Variants in SOX2 observed in about 807,000 individuals in gnomAD.
SOX2 encodes SRY-box transcription factor 2, also known as transcription factor SOX-2.
In SOX2, 2 loss-of-function variants were observed where a neutral mutation model predicts 19.7. That is an observed-to-expected ratio of 0.10 (90% confidence interval 0.04 to 0.32). SOX2 has a LOEUF of 0.32. Ranked by LOEUF, SOX2 falls within the 10% of genes least tolerant of loss-of-function variation. The probability of loss-of-function intolerance (pLI) is 1.00; values close to 1 mark genes in which losing one functional copy is unlikely to be tolerated. For synonymous variants in SOX2, 211 were observed against 196.8 expected (o/e 1.07, Z -0.60); for missense variants, 294 against 459.9 (o/e 0.64, Z 3.30).
At position 181,712,971 on chromosome 3, in the gene SOX2, C is replaced by T; in HGVS notation, c.611C>T (p.Ala204Val). 1.2e-6 allele frequency: 2 copies of T among 1,613,946 alleles called. No homozygotes were observed. Among genetic ancestry groups the T allele is most frequent in the Non-Finnish European group, 8.5e-7 (1 of 1,180,044 alleles). ...MQPMHRYDVS[A>V]LQYNSMTSSQ... ...CCCATGCACCGCTACGACGTGAGCG[C>T]CCTGCAGTACAACTCCATGACCAGC... Residue 204 changes from alanine (A) to valine (V), a missense_variant, in exon 1 of 1, where the codon GCC (alanine) becomes GTC (valine). By Grantham distance (64) the Ala-to-Val change is moderately conservative. Transcript: ENST00000325404. This position sits in a 1 kb window ranked among gnomAD's most constrained non-coding sequence, Gnocchi z 8.5.
In SOX2 at chr3:181,713,256, A is replaced by T. The variant is rs1714879848; in HGVS notation, c.896A>T (p.Gln299Leu). Residue 299 changes from glutamine (Q) to leucine (L), a missense_variant, in exon 1 of 1, where the codon CAG becomes CTG. This residue lies in a region of SOX2 where 223 missense variants were observed against 292.7 expected (regional missense o/e 0.76). Transcript: ENST00000325404. ...AGACTTCACATGTCCCAGCACTACC[A>T]GAGCGGCCCGGTGCCCGGCACGGCC... ...PSRLHMSQHY[Q>L]SGPVPGTAIN... 1 of 1,608,294 alleles carries T rather than the reference A, an allele frequency of 6.2e-7. No homozygotes were observed. Among genetic ancestry groups the T allele is most frequent in the East Asian group, 2.2e-5 (1 of 44,526 alleles).
rs973988656 is a variant in SOX2 at position 181,712,339 on chromosome 3, C to T, written c.-22C>T. ...CGAGGGTCGGCGGCCGCCGGCGGGC[C>T]GGGCCCGCGCACAGCGCCCGCATGT... On this transcript the variant is annotated 5_prime_UTR_variant, in exon 1 of 1. Coordinates refer to ENST00000325404, the MANE Select transcript of SOX2 (RefSeq NM_003106.4). The surrounding 1 kb of genome is among the most constrained non-coding windows in gnomAD (Gnocchi z 8.5). 1.4e-6 allele frequency: 2 copies of T among 1,397,810 alleles called. No homozygotes were observed. Among genetic ancestry groups the T allele is most frequent in the Non-Finnish European group, 9.2e-7 (1 of 1,083,194 alleles). 86.6% of individuals were successfully genotyped at this position (1,397,810 alleles called of 1,614,324 possible). A position where few individuals can be genotyped will look rare whatever the true frequency, so the allele number is the denominator to read the frequency against.
rs1236669952 is a variant in SOX2, at chr3:181,713,830, T to TTAA, written c.*517_*518insAAT. On this transcript the variant is annotated 3_prime_UTR_variant, in exon 1 of 1. Transcript: ENST00000325404. ...ATAAACATGGCAATCAAAATGTCCA[T>TTAA]TGTTTATAAGCTGAGAATTTGCCAA... The TTAA allele has an allele frequency of 3.9e-6, 1 of 254,412 alleles. No homozygotes were observed. Among genetic ancestry groups the TTAA allele is most frequent in the Non-Finnish European group, 8.2e-6 (1 of 121,718 alleles). The allele number at this position is 254,412 out of a possible 1,614,324, so 15.8% of individuals were successfully genotyped here.
Position 181,713,233 on chromosome 3 carries a change from A to G in SOX2, c.873A>G (p.Arg291=). 6.2e-7 allele frequency: 1 copy of G among 1,612,132 alleles called. No homozygotes were observed. Among genetic ancestry groups the G allele is most frequent in the South Asian group, 1.1e-5 (1 of 91,020 alleles). ...AEVPEPAAPS[R]LHMSQHYQSG... is the part of the protein sequence containing the mutation. Reference sequence around the variant, plus strand: ...TGCCGGAACCCGCCGCCCCCAGCAGACTTCACATGTCCCAGCACTACCAGA... The same window carrying G: ...TGCCGGAACCCGCCGCCCCCAGCAGGCTTCACATGTCCCAGCACTACCAGA... Residue 291 remains arginine, a synonymous_variant, in exon 1 of 1, where the codon AGA becomes AGG. Coordinates refer to ENST00000325404, the MANE Select transcript of SOX2 (RefSeq NM_003106.4).
chr3:181,713,445 A>G lies in SOX2; in HGVS notation c.*131A>G. On this transcript the variant is annotated 3_prime_UTR_variant, in exon 1 of 1. Coordinates refer to ENST00000325404, the MANE Select transcript of SOX2 (RefSeq NM_003106.4). ...ACGCTCAAAAAGAAAAAGGAAAAAA[A>G]AAAATCCCATCACCCACAGCAAATG... 4.0e-6 allele frequency: 5 copies of G among 1,263,970 alleles called. No individual in the cohort carries two copies. Among genetic ancestry groups the G allele is most frequent in the Non-Finnish European group, 5.5e-6 (5 of 903,938 alleles). The allele number at this position is 1,263,970 out of a possible 1,614,324, so 78.3% of individuals were successfully genotyped here. A position where few individuals can be genotyped will look rare whatever the true frequency, so the allele number is the denominator to read the frequency against.
Position 181,713,426 on chromosome 3 carries a change from A to C in SOX2, c.*112A>C, listed in dbSNP as rs1714890964. 1.0e-5 allele frequency: 14 copies of C among 1,374,040 alleles called. No individual in the cohort carries two copies. The South Asian group carries it at 1.2e-4, about 12-fold the overall frequency. The allele number at this position is 1,374,040 out of a possible 1,614,324, so 85.1% of individuals were successfully genotyped here. On this transcript the variant is annotated 3_prime_UTR_variant, in exon 1 of 1. Transcript: ENST00000325404. ...AGCATGGAGAAAACCCGGTACGCTC[A>C]AAAAGAAAAAGGAAAAAAAAAAATC...
Position 181,712,552 on chromosome 3 carries a change from C to A in SOX2, c.192C>A (p.Pro64=). 6.2e-7 allele frequency: 1 copy of A among 1,614,192 alleles called. No homozygotes were observed. Among genetic ancestry groups the A allele is most frequent in the Non-Finnish European group, 8.5e-7 (1 of 1,180,010 alleles). The change falls in exon 1 of 1, where the codon CCC becomes CCA. Residue 64 remains proline, a synonymous_variant. Coordinates refer to ENST00000325404, the MANE Select transcript of SOX2 (RefSeq NM_003106.4). This position sits in a 1 kb window ranked among gnomAD's most constrained non-coding sequence, Gnocchi z 8.5. The part of the protein sequence containing the change: ...GQRRKMAQEN[P]KMHNSEISKR... ...GGCGCAAGATGGCCCAGGAGAACCC[C>A]AAGATGCACAACTCGGAGATCAGCA...
rs1338979266 is a variant in SOX2, at chr3:181,713,250, A to C, written c.890A>C (p.His297Pro). 1 of 1,610,254 alleles carries C rather than the reference A, an allele frequency of 6.2e-7. No homozygotes were observed. Residue 297 changes from histidine to proline, a missense_variant, in exon 1 of 1, where the codon CAC becomes CCC. This residue lies in a region of SOX2 where 223 missense variants were observed against 292.7 expected (regional missense o/e 0.76). Coordinates refer to ENST00000325404, the MANE Select transcript of SOX2 (RefSeq NM_003106.4). ...CCCAGCAGACTTCACATGTCCCAGCACTACCAGAGCGGCCCGGTGCCCGGC... is the reference window on the plus strand; with the variant it reads ...CCCAGCAGACTTCACATGTCCCAGCCCTACCAGAGCGGCCCGGTGCCCGGC... ...AAPSRLHMSQHYQSGPVPGTA... is the reference protein window; with the variant it reads ...AAPSRLHMSQPYQSGPVPGTA...
rs1018111900 is a variant in SOX2, at chr3:181,712,303, C to T, written c.-58C>T. On this transcript the variant is annotated 5_prime_UTR_variant, in exon 1 of 1. Transcript: ENST00000325404. The surrounding 1 kb of genome is among the most constrained non-coding windows in gnomAD (Gnocchi z 8.5). ...CCCCCGCCCGCGGGCCCCCCAAAGTCCCGGCCGGGCCGAGGGTCGGCGGCC... is the reference window on the plus strand; with the variant it reads ...CCCCCGCCCGCGGGCCCCCCAAAGTTCCGGCCGGGCCGAGGGTCGGCGGCC... The T allele has an allele frequency of 4.8e-5, 62 of 1,302,832 alleles. No homozygotes were observed. In the East Asian group the frequency reaches 1.9e-3, roughly 40 times the overall value. 80.7% of individuals were successfully genotyped at this position (1,302,832 alleles called of 1,614,324 possible). A position where few individuals can be genotyped will look rare whatever the true frequency, so the allele number is the denominator to read the frequency against.
Position 181,714,109 on chromosome 3 carries a change from G to A in SOX2, c.*795G>A, listed in dbSNP as rs1362271159. Reference sequence around the variant, plus strand: ...AAAAATGGCCATGCAGGTTGACACCGTTGGTAATTTATAATAGCTTTTGTT... The same window carrying A: ...AAAAATGGCCATGCAGGTTGACACCATTGGTAATTTATAATAGCTTTTGTT... On this transcript the variant is annotated 3_prime_UTR_variant, in exon 1 of 1. Transcript: ENST00000325404. 3.7e-5 allele frequency: 9 copies of A among 244,066 alleles called. No individual in the cohort carries two copies. The highest frequency in any genetic ancestry group is 1.8e-4 in the South Asian group (1 of 5,498). The allele number at this position is 244,066 out of a possible 1,614,324, so 15.1% of individuals were successfully genotyped here.
chr3:181,712,658 C>G lies in SOX2; in HGVS notation c.298C>G (p.Leu100Val), dbSNP rs2108522096. The change falls in exon 1 of 1, where the codon CTG becomes GTG. Residue 100 changes from leucine (L) to valine (V), a missense_variant. Leu to Val is a conservative substitution (Grantham distance 32). Coordinates refer to ENST00000325404, the MANE Select transcript of SOX2 (RefSeq NM_003106.4). This position sits in a 1 kb window ranked among gnomAD's most constrained non-coding sequence, Gnocchi z 8.5. ...CGACGAGGCTAAGCGGCTGCGAGCG[C>G]TGCACATGAAGGAGCACCCGGATTA... The part of the protein sequence containing the change: ...FIDEAKRLRA[L>V]HMKEHPDYKY... 6.2e-7 allele frequency: 1 copy of G among 1,614,186 alleles called. No homozygotes were observed. Among genetic ancestry groups the G allele is most frequent in the Non-Finnish European group, 8.5e-7 (1 of 1,180,016 alleles).
rs104893800 is a variant in SOX2, at chr3:181,712,637, G to C, written c.277G>C (p.Glu93Gln). The change falls in exon 1 of 1, where the codon GAG (glutamate) becomes CAG (glutamine). Residue 93 changes from glutamate to glutamine, a missense_variant. Physicochemically the swap from Glu to Gln is conservative, Grantham distance 29 (BLOSUM62 2). Around this residue, in one of 3 missense-constraint regions of SOX2, gnomAD observed 20 missense variants for 112.3 expected, o/e 0.18. Transcript: ENST00000325404. This position sits in a 1 kb window ranked among gnomAD's most constrained non-coding sequence, Gnocchi z 8.5. ...SETEKRPFID[E>Q]AKRLRALHMK... ...GACGGAGAAGCGGCCGTTCATCGACGAGGCTAAGCGGCTGCGAGCGCTGCA... is the reference window on the plus strand; with the variant it reads ...GACGGAGAAGCGGCCGTTCATCGACCAGGCTAAGCGGCTGCGAGCGCTGCA... 1 of 1,614,194 alleles carries C rather than the reference G, an allele frequency of 6.2e-7. No homozygotes were observed. Among genetic ancestry groups the C allele is most frequent in the Non-Finnish European group, 8.5e-7 (1 of 1,180,012 alleles).
At position 181,713,224 on chromosome 3, in the gene SOX2, C is replaced by A. The variant is rs1242913623; in HGVS notation, c.864C>A (p.Ala288=). Reference sequence around the variant, plus strand: ...GCGCCGAGGTGCCGGAACCCGCCGCCCCCAGCAGACTTCACATGTCCCAGC... The same window carrying A: ...GCGCCGAGGTGCCGGAACCCGCCGCACCCAGCAGACTTCACATGTCCCAGC... ...LPGAEVPEPA[A]PSRLHMSQHY... is the part of the protein sequence containing the mutation. Residue 288 remains alanine (A), a synonymous_variant, in exon 1 of 1, where the codon GCC becomes GCA. Transcript: ENST00000325404. 3 of 1,612,610 alleles carry A rather than the reference C, an allele frequency of 1.9e-6. No individual in the cohort carries two copies. The Admixed American group carries it at 5.0e-5, about 27-fold the overall frequency.
Position 181,712,312 on chromosome 3 carries a change from GC to G in SOX2, c.-47del. The G allele has an allele frequency of 7.5e-7, 1 of 1,329,708 alleles. No individual in the cohort carries two copies. The highest frequency in any genetic ancestry group is 2.3e-5 in the South Asian group (1 of 42,958). The allele number at this position is 1,329,708 out of a possible 1,614,324, so 82.4% of individuals were successfully genotyped here. On this transcript the variant is annotated 5_prime_UTR_variant, in exon 1 of 1. Transcript: ENST00000325404. The surrounding 1 kb of genome is among the most constrained non-coding windows in gnomAD (Gnocchi z 8.5). Reference sequence around the variant, plus strand: ...GCGGGCCCCCCAAAGTCCCGGCCGGGCCGAGGGTCGGCGGCCGCCGGCGGGC... The same window carrying G: ...GCGGGCCCCCCAAAGTCCCGGCCGGGCGAGGGTCGGCGGCCGCCGGCGGGC...
chr3:181,713,098 C>T lies in SOX2; in HGVS notation c.738C>T (p.Ser246=), dbSNP rs371569269. 7 of 1,613,758 alleles carry T rather than the reference C, an allele frequency of 4.3e-6. No individual in the cohort carries two copies. In the African/African-American group the frequency reaches 8.0e-5, roughly 18 times the overall value. The change falls in exon 1 of 1, where the codon TCC becomes TCT. Residue 246 remains serine, a synonymous_variant. Transcript: ENST00000325404. ...ALGSMGSVVK[S]EASSSPPVVT... ...GCTCCATGGGTTCGGTGGTCAAGTC[C>T]GAGGCCAGCTCCAGCCCCCCTGTGG...
chr3:181,712,254 C>T lies in SOX2; in HGVS notation c.-107C>T. On this transcript the variant is annotated 5_prime_UTR_variant, in exon 1 of 1. Transcript: ENST00000325404. The surrounding 1 kb of genome is among the most constrained non-coding windows in gnomAD (Gnocchi z 8.5). Reference sequence around the variant, plus strand: ...GCGGAGCCCTGCGCTCCCGACACCCCCGCCCGCCTCCCCTCCTCCTCTCCC... The same window carrying T: ...GCGGAGCCCTGCGCTCCCGACACCCTCGCCCGCCTCCCCTCCTCCTCTCCC... 1 of 885,666 alleles carries T rather than the reference C, an allele frequency of 1.1e-6. No individual in the cohort carries two copies. Among genetic ancestry groups the T allele is most frequent in the East Asian group, 3.4e-5 (1 of 29,754 alleles). The allele number at this position is 885,666 out of a possible 1,614,324, so 54.9% of individuals were successfully genotyped here.
At position 181,712,253 on chromosome 3, in the gene SOX2, C is replaced by A; in HGVS notation, c.-108C>A. 1.1e-6 allele frequency: 1 copy of A among 873,656 alleles called. No homozygotes were observed. Among genetic ancestry groups the A allele is most frequent in the Non-Finnish European group, 1.5e-6 (1 of 657,026 alleles). 54.1% of individuals were successfully genotyped at this position (873,656 alleles called of 1,614,324 possible). A position where few individuals can be genotyped will look rare whatever the true frequency, so the allele number is the denominator to read the frequency against. Reference sequence around the variant, plus strand: ...CGCGGAGCCCTGCGCTCCCGACACCCCCGCCCGCCTCCCCTCCTCCTCTCC... The same window carrying A: ...CGCGGAGCCCTGCGCTCCCGACACCACCGCCCGCCTCCCCTCCTCCTCTCC... On this transcript the variant is annotated 5_prime_UTR_variant, in exon 1 of 1. Coordinates refer to ENST00000325404, the MANE Select transcript of SOX2 (RefSeq NM_003106.4). The surrounding 1 kb of genome is among the most constrained non-coding windows in gnomAD (Gnocchi z 8.5).
In SOX2 at chr3:181,712,822, C is replaced by G. The variant is rs750665327; in HGVS notation, c.462C>G (p.Asn154Lys). 1.1e-5 allele frequency: 17 copies of G among 1,603,886 alleles called. No individual in the cohort carries two copies. The highest frequency in any genetic ancestry group is 5.1e-6 in the Non-Finnish European group (6 of 1,175,842). The part of the protein sequence containing the change: ...GVGAGLGAGV[N>K]QRMDSYAHMN... ...GCGCCGGCCTGGGCGCGGGCGTGAACCAGCGCATGGACAGTTACGCGCACA... is the reference window on the plus strand; with the variant it reads ...GCGCCGGCCTGGGCGCGGGCGTGAAGCAGCGCATGGACAGTTACGCGCACA... The change falls in exon 1 of 1, where the codon AAC becomes AAG. Residue 154 changes from asparagine (N) to lysine (K), a missense_variant. Asn to Lys is a moderately conservative substitution (Grantham distance 94). Around this residue, in one of 3 missense-constraint regions of SOX2, gnomAD observed 223 missense variants for 292.7 expected, o/e 0.76. Transcript: ENST00000325404. This position sits in a 1 kb window ranked among gnomAD's most constrained non-coding sequence, Gnocchi z 8.5.
At position 181,712,794 on chromosome 3, in the gene SOX2, T is replaced by C; in HGVS notation, c.434T>C (p.Val145Ala). 1 of 1,601,208 alleles carries C rather than the reference T, an allele frequency of 6.2e-7. No homozygotes were observed. Among genetic ancestry groups the C allele is most frequent in the Non-Finnish European group, 8.5e-7 (1 of 1,174,308 alleles). The change falls in exon 1 of 1, where the codon GTG (valine) becomes GCG (alanine). Residue 145 changes from valine (V) to alanine (A), a missense_variant. Around this residue, in one of 3 missense-constraint regions of SOX2, gnomAD observed 223 missense variants for 292.7 expected, o/e 0.76. Coordinates refer to ENST00000325404, the MANE Select transcript of SOX2 (RefSeq NM_003106.4). This position sits in a 1 kb window ranked among gnomAD's most constrained non-coding sequence, Gnocchi z 8.5. ...AATAGCATGGCGAGCGGGGTCGGGG[T>C]GGGCGCCGGCCTGGGCGCGGGCGTG... is the stretch of plus-strand genomic sequence containing the variant. ...GGNSMASGVG[V>A]GAGLGAGVNQ...
Sources: gnomAD v4.1 joint callset for allele counts on GRCh38, gnomAD v4.1.1 for gene constraint, gnomAD v4.1.1 regional missense constraint, Gnocchi (gnomAD v3.1) non-coding constraint, MANE v1.5 for transcripts, NCBI Gene and HGNC (gene_info 2026-07-23, HGNC 2026-07-21) for gene names.